Variants in GNRHR observed in about 807,000 individuals in gnomAD.
GNRHR encodes the protein gonadotropin-releasing hormone receptor.
In GNRHR, 14 loss-of-function variants were observed where a neutral mutation model predicts 28.1. The ratio of observed to expected loss-of-function variants is 0.50; its 90% CI spans 0.33 to 0.78. GNRHR has a LOEUF of 0.78. Ranked by LOEUF, GNRHR falls within the 30% of genes least tolerant of loss-of-function variation. GNRHR has a pLI of 0.02. For synonymous variants in GNRHR, 141 were observed against 140.5 expected (o/e 1.00, Z -0.02); for missense variants, 366 against 382.1 (o/e 0.96, Z 0.35).
Position 67,745,332 on chromosome 4 carries a change from A to G in GNRHR, c.523-545T>C, listed in dbSNP as rs75779368. Among the ~76,000 whole-genome samples, 830 of 152,174 alleles carry G rather than the reference A, an allele frequency of 5.5e-3. 6 individuals are homozygous for G. Among genetic ancestry groups the G allele is most frequent in the African/African-American group, 0.018 (746 of 41,562 alleles). On this transcript the variant is annotated intron_variant, in intron 1 of 2. Transcript: ENST00000226413. ...AACAACCCAGGAACCAGCTGAAAAG[A>G]GCTTCCACTGGCCAAATCTGGGGCA...
intron 1 of GNRHR, among the ~76,000 whole-genome samples, chr4:67,752,166 T>TACATTTGGG (rs1396724491): frequency 6.6e-6 from 1 of 151,952 alleles, no homozygotes; most frequent in Admixed American, 6.6e-5. Context: ...TTTATTCCAC[T>TACATTTGGG]CCATTTGGGC....
rs868102789 is a variant in GNRHR, at chr4:67,754,011, C to A, written c.325G>T (p.Ala109Ser). ...GMWNITVQWY[A>S]GELLCKVLSY... ...AGAACTTTGCAGAGTAACTCTCCAG[C>A]ATACCATTGGACTGTAATGTTCCAC... Residue 109 changes from alanine to serine, a missense_variant, in exon 1 of 3, where the codon GCT becomes TCT. By Grantham distance (99) the Ala-to-Ser change is moderately conservative (BLOSUM62 1). Coordinates refer to ENST00000226413, the MANE Select transcript of GNRHR (RefSeq NM_000406.3). 1.2e-6 allele frequency: 2 copies of A among 1,613,738 alleles called. No homozygotes were observed. The highest frequency in any genetic ancestry group is 2.7e-5 in the African/African-American group (2 of 75,044).
intron 1 of GNRHR, among the ~76,000 whole-genome samples, chr4:67,748,705 T>C (rs1731809853): frequency 7.1e-6 from 1 of 141,686 alleles, no homozygotes. Flanking sequence ...ACCCTAAAAC[T>C]TAAAGTATAA....
chr4:67,742,333 G>A (rs1485288937), intron 2 of GNRHR, among the ~76,000 whole-genome samples: 2 of 152,066 alleles, frequency 1.3e-5, no homozygotes, highest in Non-Finnish European at 2.9e-5. Context: ...GTATGTTTTT[G>A]TTTGCTTTGT....
At chr4:67,745,418 A>G (rs559683636) in intron 1 of GNRHR, among the ~76,000 whole-genome samples, 1 of 152,270 alleles carries the variant, frequency 6.6e-6, no homozygotes, top group African/African-American at 2.4e-5. Context: ...TATTGAATAA[A>G]GTATGAGCCC....
At chr4:67,742,154 A>G (rs1225844162) in intron 2 of GNRHR, among the ~76,000 whole-genome samples, 1 of 152,142 alleles carries the variant, frequency 6.6e-6, no homozygotes, top group Non-Finnish European at 1.5e-5. Context: ...GGTTTTTCCA[A>G]TGTTATCTTC....
Position 67,737,538 on chromosome 4 carries a change from C to G in GNRHR, c.*2942G>C, listed in dbSNP as rs1260269481. 2.0e-5 allele frequency among the ~76,000 whole-genome samples: 3 copies of G among 151,910 alleles called. No individual in the cohort carries two copies. Among genetic ancestry groups the G allele is most frequent in the African/African-American group, 7.2e-5 (3 of 41,408 alleles). On this transcript the variant is annotated 3_prime_UTR_variant, in exon 3 of 3. Transcript: ENST00000226413. ...AAACATTATCTCTTCATGACTACCA[C>G]CTAAGTTCTAAGACAAAGTCACTCT... is the stretch of plus-strand genomic sequence containing the variant.
intron 2 of GNRHR, among the ~76,000 whole-genome samples, chr4:67,743,087 G>A (rs1426366419): frequency 6.6e-6 from 1 of 151,998 alleles, no homozygotes; most frequent in African/African-American, 2.4e-5. Context: ...TGAGTAGCTG[G>A]GACTACAGGC....
chr4:67,745,384 A>T (rs1731736783), intron 1 of GNRHR, among the ~76,000 whole-genome samples: 2 of 152,058 alleles, frequency 1.3e-5, no homozygotes, highest in Non-Finnish European at 2.9e-5. Flanking sequence ...ACAAAAAAGA[A>T]ACTGATCTAA....
chr4:67,754,192 G>C lies in GNRHR; in HGVS notation c.144C>G (p.Leu48=), dbSNP rs35400155. Residue 48 remains leucine, a synonymous_variant, in exon 1 of 3, where the codon CTC becomes CTG. Coordinates refer to ENST00000226413, the MANE Select transcript of GNRHR (RefSeq NM_000406.3). ...AGAAAGAAGCATTAAAGGTCGCAGA[G>C]AGCAGAAAAAGGAAGAAAGTAACCG... is the stretch of plus-strand genomic sequence containing the variant. The part of the protein sequence containing the change: ...RVTVTFFLFL[L]SATFNASFLL... The C allele has an allele frequency of 1.4e-3, 2,193 of 1,614,128 alleles. 22 individuals are homozygous for C. The African/African-American group carries it at 0.026, about 19-fold the overall frequency.
intron 1 of GNRHR, among the ~76,000 whole-genome samples, chr4:67,749,787 T>C (rs770443217): frequency 6.6e-6 from 1 of 152,042 alleles, no homozygotes; most frequent in Admixed American, 6.6e-5. Flanking sequence ...CTCTGACATG[T>C]ATAATTAGCA....
At position 67,753,802 on chromosome 4, in the gene GNRHR, A is replaced by G. The variant is rs1248027702; in HGVS notation, c.522+12T>C. ...TCACCATATCCAAATAAGTTTGTGTATAATGGCTTACCTGTGGTCCTGCAA... is the reference window on the plus strand; with the variant it reads ...TCACCATATCCAAATAAGTTTGTGTGTAATGGCTTACCTGTGGTCCTGCAA... On this transcript the variant is annotated intron_variant, in intron 1 of 2. Coordinates refer to ENST00000226413, the MANE Select transcript of GNRHR (RefSeq NM_000406.3). 1.2e-6 allele frequency: 2 copies of G among 1,605,708 alleles called. No homozygotes were observed.
chr4:67,746,194 G>A (rs1301000316), intron 1 of GNRHR, among the ~76,000 whole-genome samples: 6 of 151,948 alleles, frequency 3.9e-5, no homozygotes, highest in Admixed American at 3.9e-4. Flanking sequence ...CATGTCTACA[G>A]CTTACTTTTA....
rs780714145 is a variant in GNRHR, at chr4:67,754,189, A to G, written c.147T>C (p.Ser49=). The G allele has an allele frequency of 6.8e-6, 11 of 1,614,202 alleles. No individual in the cohort carries two copies. In the South Asian group the frequency reaches 1.1e-4, roughly 16 times the overall value. ...ACAAGAAAGAAGCATTAAAGGTCGCAGAGAGCAGAAAAAGGAAGAAAGTAA... is the reference window on the plus strand; with the variant it reads ...ACAAGAAAGAAGCATTAAAGGTCGCGGAGAGCAGAAAAAGGAAGAAAGTAA... The part of the protein sequence containing the change: ...VTVTFFLFLL[S]ATFNASFLLK... The change falls in exon 1 of 3, where the codon TCT becomes TCC. Residue 49 remains serine, a synonymous_variant. Coordinates refer to ENST00000226413, the MANE Select transcript of GNRHR (RefSeq NM_000406.3).
chr4:67,744,832 A>T (rs767134328), intron 1 of GNRHR, 45 bp from the exon 2 acceptor site: 2 of 1,149,504 alleles, frequency 1.7e-6, no homozygotes, highest in African/African-American at 3.0e-5. Flanking sequence ...TCCATATGGT[A>T]TTTGAAAGTT....
At position 67,740,650 on chromosome 4, in the gene GNRHR, C is replaced by A; in HGVS notation, c.817G>T (p.Ala273Ser). The A allele has an allele frequency of 6.2e-7, 1 of 1,607,348 alleles. No homozygotes were observed. The change falls in exon 3 of 3, where the codon GCC (alanine) becomes TCC (serine). Residue 273 changes from alanine (A) to serine (S), a missense_variant. Transcript: ENST00000226413. ...GTCCAGCAGACAGTAAATGAAGTGG[C>A]AAATGCAACCGTCATTTTTAGAGTC... Reference protein sequence around the residue: ...LKTLKMTVAFATSFTVCWTPY... With the variant: ...LKTLKMTVAFSTSFTVCWTPY...
At position 67,740,285 on chromosome 4, in the gene GNRHR, T is replaced by G; in HGVS notation, c.*195A>C. ...AGAAGCTTATGAGGAAGAGAAAATA[T>G]TTTAGTATTTTTCCTGAAGACTTTT... On this transcript the variant is annotated 3_prime_UTR_variant, in exon 3 of 3. Coordinates refer to ENST00000226413, the MANE Select transcript of GNRHR (RefSeq NM_000406.3). The G allele has an allele frequency of 1.8e-6, 1 of 555,384 alleles. No homozygotes were observed. The highest frequency in any genetic ancestry group is 3.2e-6 in the Non-Finnish European group (1 of 311,538). 34.4% of individuals were successfully genotyped at this position (555,384 alleles called of 1,614,324 possible).
At chr4:67,752,105 C>G (rs977876235) in intron 1 of GNRHR, among the ~76,000 whole-genome samples, 1 of 152,104 alleles carries the variant, frequency 6.6e-6, no homozygotes, top group East Asian at 1.9e-4. Flanking sequence ...TTGATACCAC[C>G]CTAGCCCCCT....
In GNRHR at chr4:67,740,389, A is replaced by G; in HGVS notation, c.*91T>C. The G allele has an allele frequency of 1.0e-5, 10 of 992,010 alleles. No individual in the cohort carries two copies. Among genetic ancestry groups the G allele is most frequent in the Non-Finnish European group, 1.4e-5 (9 of 621,572 alleles). The allele number at this position is 992,010 out of a possible 1,614,324, so 61.5% of individuals were successfully genotyped here. A position where few individuals can be genotyped will look rare whatever the true frequency, so the allele number is the denominator to read the frequency against. On this transcript the variant is annotated 3_prime_UTR_variant, in exon 3 of 3. Transcript: ENST00000226413. ...TGTAAATCCTACTTTGTTTGTATGT[A>G]AACATGCTCCAACATTTGTGTTAAT...
Sources: gnomAD v4.1 joint callset for allele counts (sites outside exome capture counted in the v4.1 genomes callset) on GRCh38, gnomAD v4.1.1 for gene constraint, MANE v1.5 for transcripts, NCBI Gene and HGNC (gene_info 2026-07-23, HGNC 2026-07-21) for gene names.